The following PAPOLA variants were observed in gnomAD, a reference collection of about 807,000 sequenced individuals.
PAPOLA encodes poly(A) polymerase alpha, also known as polynucleotide adenylyltransferase alpha.
Under a neutral mutation model 100.6 loss-of-function variants are expected in PAPOLA, and 15 were observed. That is an observed-to-expected ratio of 0.15 (90% CI 0.10 to 0.23). PAPOLA has a LOEUF of 0.23. PAPOLA is among the 10% of genes least tolerant of loss of function. The pLI is 1.00. For synonymous variants in PAPOLA, 293 were observed against 300.0 expected (o/e 0.98, Z 0.24); for missense variants, 533 against 884.2 (o/e 0.60, Z 5.04).
intron 7 of PAPOLA, 125 bp downstream of exon 7, chr14:96,531,711 T>C (rs1566848406): frequency 6.6e-7 from 1 of 1,513,742 alleles, no homozygotes; most frequent in African/African-American, 1.4e-5. Flanking sequence ...TTAAATAAAA[T>C]GAACTTTGCC....
At chr14:96,564,904 G>C in intron 21 of PAPOLA, 51 bp from the exon 22 acceptor site, 1 of 946,048 alleles carries the variant, frequency 1.1e-6, no homozygotes, top group South Asian at 1.4e-5. Flanking sequence ...ACATCTCATT[G>C]TTAAATTATG....
At chr14:96,533,846 TC>T (rs1295215453) in intron 9 of PAPOLA, 2 of 983,260 alleles carry the variant, frequency 2.0e-6, no homozygotes, top group Non-Finnish European at 2.4e-6. Context: ...AGCCACCGCG[TC>T]CGGCTGTCAG....
At chr14:96,529,350 G>A (rs978651606) in intron 6 of PAPOLA, among the ~76,000 whole-genome samples, 3 of 151,642 alleles carry the variant, frequency 2.0e-5, no homozygotes, top group Non-Finnish European at 4.4e-5. Flanking sequence ...GTACTTATTT[G>A]TGTAACAGTA....
intron 1 of PAPOLA, among the ~76,000 whole-genome samples, chr14:96,506,200 G>A (rs1223760979): frequency 6.6e-6 from 1 of 152,050 alleles, no homozygotes; most frequent in Non-Finnish European, 1.5e-5. Flanking sequence ...CACGGCGCCC[G>A]GCTGTCATTT....
intron 12 of PAPOLA, 149 bp downstream of exon 12, chr14:96,537,209 G>T: frequency 1.7e-6 from 1 of 590,698 alleles, no homozygotes; most frequent in Non-Finnish European, 3.1e-6. Context: ...GAACTCCTTA[G>T]TTTTTTTTGG....
At chr14:96,557,139 G>A (rs191067048) in intron 19 of PAPOLA, among the ~76,000 whole-genome samples, 2 of 152,160 alleles carry the variant, frequency 1.3e-5, no homozygotes, top group East Asian at 3.9e-4. Context: ...TCTGCCTCCC[G>A]GGCTCAAGCA....
chr14:96,514,896 C>G (rs973769828), intron 1 of PAPOLA, among the ~76,000 whole-genome samples: 3 of 152,154 alleles, frequency 2.0e-5, no homozygotes, highest in African/African-American at 7.2e-5. Flanking sequence ...CGACGAGTAG[C>G]AGAAGTGAAA....
chr14:96,519,197 G>C (rs991121729), intron 1 of PAPOLA, among the ~76,000 whole-genome samples: 16 of 151,962 alleles, frequency 1.1e-4, no homozygotes, highest in Non-Finnish European at 2.1e-4. Flanking sequence ...TGAAGTGCTG[G>C]GATTACAGGG....
intron 2 of PAPOLA, 76 bp downstream of exon 2, chr14:96,520,304 C>G (rs1192422107): frequency 9.1e-7 from 1 of 1,104,584 alleles, no homozygotes; most frequent in African/African-American, 1.6e-5. Context: ...GAGGCATTCT[C>G]TACTTACTTA....
intron 17 of PAPOLA, among the ~76,000 whole-genome samples, chr14:96,555,172 T>G (rs1901199969): frequency 6.6e-6 from 1 of 151,746 alleles, no homozygotes; most frequent in Non-Finnish European, 1.5e-5. Flanking sequence ...TACAGAAGTT[T>G]ATTTCTGTTT....
At chr14:96,559,697 A>ACTGT (rs1314746022) in intron 19 of PAPOLA, among the ~76,000 whole-genome samples, 3 of 151,260 alleles carry the variant, frequency 2.0e-5, no homozygotes, top group Non-Finnish European at 3.0e-5. Context: ...AGTATAATGA[A>ACTGT]CTGTCATGTT....
chr14:96,556,444 A>T, intron 19 of PAPOLA, 31 bp downstream of exon 19: 1 of 1,343,508 alleles, frequency 7.4e-7, no homozygotes, highest in African/African-American at 1.4e-5. Context: ...TTAGTTAGCC[A>T]TGGCAACACC....
chr14:96,522,923 G>A (rs953487168), intron 3 of PAPOLA, among the ~76,000 whole-genome samples: 1 of 152,088 alleles, frequency 6.6e-6, no homozygotes, highest in African/African-American at 2.4e-5. Flanking sequence ...AGAACCAAGG[G>A]TAAAGGAAAA....
intron 1 of PAPOLA, among the ~76,000 whole-genome samples, chr14:96,515,444 G>A (rs554225615): frequency 6.6e-6 from 1 of 152,272 alleles, no homozygotes; most frequent in East Asian, 1.9e-4. Flanking sequence ...GAATGCTTTA[G>A]TCATAATATT....
chr14:96,527,362 C>A, intron 4 of PAPOLA, 68 bp from the exon 5 acceptor site: 5 of 920,518 alleles, frequency 5.4e-6, no homozygotes, highest in Non-Finnish European at 8.9e-6. Context: ...TCAAATACTA[C>A]CATGATAGGA....
At chr14:96,534,369 T>TA in intron 9 of PAPOLA, 122 bp from the exon 10 acceptor site, 1 of 1,498,094 alleles carries the variant, frequency 6.7e-7, no homozygotes. Flanking sequence ...GATTAAAACG[T>TA]TGTATGTACC....
At chr14:96,504,654 T>C (rs1340806460) in intron 1 of PAPOLA, 1 of 152,288 alleles carries the variant, frequency 6.6e-6, no homozygotes, top group Non-Finnish European at 1.5e-5. Context: ...TGAGCCTTGA[T>C]CATGCCACTG....
At chr14:96,506,767 C>T (rs1896743738) in intron 1 of PAPOLA, among the ~76,000 whole-genome samples, 1 of 152,096 alleles carries the variant, frequency 6.6e-6, no homozygotes, top group Admixed American at 6.6e-5. Flanking sequence ...TCCAAATGAC[C>T]ATTTGTGATG....
intron 1 of PAPOLA, among the ~76,000 whole-genome samples, chr14:96,510,568 A>G (rs1034232155): frequency 7.9e-5 from 12 of 152,234 alleles, no homozygotes; most frequent in African/African-American, 2.9e-4. Flanking sequence ...ATTGAACAGC[A>G]AGTACCCTTT....
Sources: gnomAD v4.1 joint callset for allele counts (sites outside exome capture counted in the v4.1 genomes callset) on GRCh38, gnomAD v4.1.1 for gene constraint, MANE v1.5 for transcripts, NCBI Gene and HGNC (gene_info 2026-07-23, HGNC 2026-07-21) for gene names.